The following UIMC1 variants were observed in gnomAD, a reference collection of about 807,000 sequenced individuals.
UIMC1 encodes the protein ubiquitin interaction motif containing 1.
Under a neutral mutation model 84.9 loss-of-function variants are expected in UIMC1, and 42 were observed. The ratio of observed to expected loss-of-function variants is 0.49; its 90% CI spans 0.39 to 0.64. The LOEUF (loss-of-function observed/expected upper bound fraction) is 0.64. Ranked by LOEUF, UIMC1 falls within the 30% of genes least tolerant of loss-of-function variation. The probability of loss-of-function intolerance (pLI) is 0.00; values close to 1 mark genes in which losing one functional copy is unlikely to be tolerated. For missense variants in UIMC1, 825 were observed against 847.6 expected, an observed-to-expected ratio of 0.97 and a Z score of 0.33; for synonymous variants, 281 against 293.0, an observed-to-expected ratio of 0.96 and a Z score of 0.42.
upstream of UIMC1, among the ~76,000 whole-genome samples, chr5:177,007,522 TAAAAC>T (rs140227048): frequency 4.1e-4 from 63 of 152,142 alleles, no homozygotes; most frequent in Non-Finnish European, 6.6e-4. Flanking sequence ...CTACAACAAA[TAAAAC>T]AAAGGAATCC....
At chr5:177,019,062 T>C (rs1775734194) in intron 1 of UIMC1, among the ~76,000 whole-genome samples, 1 of 152,248 alleles carries the variant, frequency 6.6e-6, no homozygotes, top group South Asian at 2.1e-4. Flanking sequence ...CTGGCTAACA[T>C]AGTGAGACCC....
At chr5:177,002,489 TTAA>T (rs1774673046) in intron 1 of UIMC1, among the ~76,000 whole-genome samples, 1 of 152,058 alleles carries the variant, frequency 6.6e-6, no homozygotes, top group Non-Finnish European at 1.5e-5. Flanking sequence ...AAATGATATC[TTAA>T]TAAAAAGTTT....
Position 177,006,712 on chromosome 5 carries a change from G to A in UIMC1, c.-71C>T, listed in dbSNP as rs1374273319. ...TGCCGGGGGTCGCGAGCCGCCACACGTTGGGAGCGCGGGGGGAGGGGGAGG... is the reference window on the plus strand; with the variant it reads ...TGCCGGGGGTCGCGAGCCGCCACACATTGGGAGCGCGGGGGGAGGGGGAGG... On this transcript the variant is annotated 5_prime_UTR_variant, in exon 1 of 15. It adds an upstream start codon to the 5' untranslated region. Transcript: ENST00000511320. 1.3e-5 allele frequency: 2 copies of A among 152,112 alleles called. No individual in the cohort carries two copies. Among genetic ancestry groups the A allele is most frequent in the African/African-American group, 2.4e-5 (1 of 41,428 alleles). 9.4% of individuals were successfully genotyped at this position (152,112 alleles called of 1,614,324 possible). A position where few individuals can be genotyped will look rare whatever the true frequency, so the allele number is the denominator to read the frequency against.
chr5:176,929,492 G>A (rs575715229), intron 10 of UIMC1, among the ~76,000 whole-genome samples: 3 of 151,828 alleles, frequency 2.0e-5, no homozygotes, highest in East Asian at 3.9e-4. Flanking sequence ...GCGTGAACTC[G>A]GGAGGCAGAG....
At chr5:177,013,653 A>G (rs1465924312) in intron 1 of UIMC1, among the ~76,000 whole-genome samples, 1 of 152,196 alleles carries the variant, frequency 6.6e-6, no homozygotes, top group Non-Finnish European at 1.5e-5. Flanking sequence ...CAGCCAATAG[A>G]GATACAAGCT....
intron 10 of UIMC1, among the ~76,000 whole-genome samples, chr5:176,932,585 C>T (rs1581429741): frequency 6.6e-6 from 1 of 152,136 alleles, no homozygotes; most frequent in Non-Finnish European, 1.5e-5. Context: ...CAGCCGAATC[C>T]TAATACTGGG....
At chr5:177,012,007 A>G (rs1328871642) in intron 1 of UIMC1, among the ~76,000 whole-genome samples, 1 of 152,068 alleles carries the variant, frequency 6.6e-6, no homozygotes, top group Admixed American at 6.6e-5. Flanking sequence ...TCACCGTGTT[A>G]GACAGGATAG....
intron 1 of UIMC1, among the ~76,000 whole-genome samples, chr5:176,999,347 T>C (rs913658511): frequency 1.3e-5 from 2 of 152,178 alleles, no homozygotes; most frequent in African/African-American, 2.4e-5. Flanking sequence ...GTACACAATA[T>C]GTAATAGTCA....
rs1422256416 is a variant in UIMC1 at position 176,927,646 on chromosome 5, G to C, written c.1597+15689C>G. On this transcript the variant is annotated intron_variant, in intron 10 of 14. Transcript: ENST00000511320. ...AATACATAAATGTATGGATGAGGTG[G>C]GTGGTCAAGTTGGAGTGTTACCAGT... 2.6e-5 allele frequency among the ~76,000 whole-genome samples: 4 copies of C among 152,140 alleles called. No individual in the cohort carries two copies. In the East Asian group the frequency reaches 7.7e-4, roughly 29 times the overall value.
At chr5:177,000,246 G>A (rs1321454826) in intron 1 of UIMC1, among the ~76,000 whole-genome samples, 16 of 152,100 alleles carry the variant, frequency 1.1e-4, no homozygotes, top group African/African-American at 2.9e-4. Flanking sequence ...AAGCCACCGC[G>A]CCCGGCATAC....
intron 1 of UIMC1, among the ~76,000 whole-genome samples, chr5:177,005,509 A>C (rs183874398): frequency 5.9e-5 from 9 of 152,052 alleles, no homozygotes; most frequent in Admixed American, 4.6e-4. Flanking sequence ...GCCTCAGTTT[A>C]GGACAAGTGT....
At position 176,956,011 on chromosome 5, in the gene UIMC1, T is replaced by G; in HGVS notation, c.1287A>C (p.Arg429Ser). 6.2e-7 allele frequency: 1 copy of G among 1,613,642 alleles called. No homozygotes were observed. The highest frequency in any genetic ancestry group is 8.5e-7 in the Non-Finnish European group (1 of 1,179,778). ...SQSVAALTSK[R>S]SLVLMPESSA... ...AACTCTCTGGCATAAGGACTAAGCTTCTCTTACTGGTCAAAGCAGCAACAC... is the reference window on the plus strand; with the variant it reads ...AACTCTCTGGCATAAGGACTAAGCTGCTCTTACTGGTCAAAGCAGCAACAC... Residue 429 changes from arginine (R) to serine (S), a missense_variant, in exon 8 of 15, where the codon AGA becomes AGC. Physicochemically the swap from Arg to Ser is moderately radical, Grantham distance 110 (BLOSUM62 -1). Transcript: ENST00000511320.
intron 1 of UIMC1, among the ~76,000 whole-genome samples, chr5:176,998,745 C>G (rs1279028843): frequency 1.3e-5 from 2 of 151,612 alleles, no homozygotes; most frequent in African/African-American, 4.9e-5. Context: ...CTGGCCTGGG[C>G]AATAAGAGCA....
intron 1 of UIMC1, among the ~76,000 whole-genome samples, chr5:177,005,500 C>T (rs1266058496): frequency 6.6e-6 from 1 of 151,712 alleles, no homozygotes; most frequent in African/African-American, 2.4e-5. Context: ...TTATATTCAG[C>T]CTCAGTTTAG....
chr5:176,975,222 T>G (rs1769876245), intron 3 of UIMC1, among the ~76,000 whole-genome samples, 174 bp downstream of exon 3: 1 of 152,088 alleles, frequency 6.6e-6, no homozygotes, highest in African/African-American at 2.4e-5. Context: ...TACAGGAAAC[T>G]GAAAAAAGTT....
chr5:176,951,515 C>T lies in UIMC1; in HGVS notation c.1402G>A (p.Asp468Asn), dbSNP rs569217472. The change falls in exon 9 of 15, where the codon GAT becomes AAT. Residue 468 changes from aspartate to asparagine, a missense_variant. Coordinates refer to ENST00000511320, the MANE Select transcript of UIMC1 (RefSeq NM_001199298.2). ...ATTATTCTGACTCCATCCAAGATAT[C>T]TCTGCTACCTGGAGAGACTTCTCTT... is the stretch of plus-strand genomic sequence containing the variant. ...LEREVSPGSR[D>N]ILDGVRIIMA... 3.2e-6 allele frequency: 5 copies of T among 1,582,760 alleles called. No individual in the cohort carries two copies. In the South Asian group the frequency reaches 6.0e-5, roughly 19 times the overall value.
chr5:176,998,271 C>T (rs1773921507), intron 1 of UIMC1, among the ~76,000 whole-genome samples: 1 of 151,890 alleles, frequency 6.6e-6, no homozygotes, highest in Admixed American at 6.6e-5. Flanking sequence ...CGAGACCACC[C>T]TGGCCAACGT....
At chr5:176,977,318 G>C (rs2149494899) in intron 2 of UIMC1, among the ~76,000 whole-genome samples, 2 of 150,530 alleles carry the variant, frequency 1.3e-5, no homozygotes, top group South Asian at 4.2e-4. Context: ...TTGTAGAATA[G>C]ACAGAAAACC....
intron 9 of UIMC1, among the ~76,000 whole-genome samples, chr5:176,944,957 T>C (rs1448834268): frequency 1.3e-5 from 2 of 152,208 alleles, no homozygotes; most frequent in African/African-American, 4.8e-5. Flanking sequence ...GTATCACTAG[T>C]TCTGCTATTA....
Sources: allele counts gnomAD v4.1 joint callset (sites outside exome capture counted in the v4.1 genomes callset), GRCh38; gene constraint gnomAD v4.1.1; transcripts MANE v1.5; gene names NCBI Gene and HGNC (gene_info 2026-07-23, HGNC 2026-07-21).